Variants in TBC1D15 observed in about 807,000 individuals in gnomAD.
TBC1D15 encodes GAP for RAB7.
Under a neutral mutation model 95.4 loss-of-function variants are expected in TBC1D15, and 39 were observed. The observed-to-expected ratio is 0.41, with a 90% confidence interval of 0.32 to 0.53. The LOEUF (loss-of-function observed/expected upper bound fraction) is 0.53. Among genes scored for constraint, TBC1D15 ranks in the 20% least tolerant of loss-of-function variants. TBC1D15 has a pLI of 0.29. For missense variants in TBC1D15, 733 were observed against 794.3 expected (o/e 0.92, Z 0.93); for synonymous variants, 258 against 261.3 (o/e 0.99, Z 0.12).
chr12:71,915,127 T>C (rs996456109), intron 12 of TBC1D15, among the ~76,000 whole-genome samples: 1 of 152,094 alleles, frequency 6.6e-6, no homozygotes, highest in Non-Finnish European at 1.5e-5. Flanking sequence ...TTTGTCTTCC[T>C]TCCTTTTTTG....
chr12:71,849,163 TAAA>T (rs3832834), intron 1 of TBC1D15: 52 of 177,522 alleles, frequency 2.9e-4, no homozygotes, highest in East Asian at 5.5e-4. Context: ...ACTGTGATTA[TAAA>T]AAAAAAAAAA....
chr12:71,840,609 CGATA>C (rs1435125890), intron 1 of TBC1D15, among the ~76,000 whole-genome samples: 2 of 152,152 alleles, frequency 1.3e-5, no homozygotes, highest in East Asian at 3.8e-4. Context: ...GATATGCCAC[CGATA>C]GTATTTCCCA....
intron 11 of TBC1D15, among the ~76,000 whole-genome samples, chr12:71,909,863 C>T (rs1901749431): frequency 1.3e-5 from 2 of 151,966 alleles, no homozygotes; most frequent in South Asian, 4.1e-4. Context: ...TCACTAAATG[C>T]CAATTTAAAT....
At chr12:71,841,473 T>C (rs922878724) in intron 1 of TBC1D15, among the ~76,000 whole-genome samples, 1 of 152,184 alleles carries the variant, frequency 6.6e-6, no homozygotes, top group Non-Finnish European at 1.5e-5. Flanking sequence ...AGTAATACTA[T>C]CATGACCAAC....
intron 2 of TBC1D15, 50 bp downstream of exon 2, chr12:71,872,218 T>G: frequency 4.6e-6 from 5 of 1,092,348 alleles, no homozygotes; most frequent in Non-Finnish European, 6.6e-6. Context: ...TGGTAGTGAT[T>G]CATCTTTGGA....
At position 71,880,608 on chromosome 12, in the gene TBC1D15, G is replaced by A; in HGVS notation, c.343+1G>A. ...AAAAGGAAACCACATACCAATGGAG[G>A]TATGAATTAAATCTTTTGAAATCTT... On this transcript the variant is annotated splice_donor_variant, in intron 4 of 16. Transcript: ENST00000485960. LOFTEE classifies it high-confidence loss of function. 1 of 1,599,102 alleles carries A rather than the reference G, an allele frequency of 6.3e-7. No individual in the cohort carries two copies. Among genetic ancestry groups the A allele is most frequent in the Non-Finnish European group, 8.5e-7 (1 of 1,174,614 alleles).
At chr12:71,909,499 G>A (rs550254684) in intron 11 of TBC1D15, among the ~76,000 whole-genome samples, 1 of 152,148 alleles carries the variant, frequency 6.6e-6, no homozygotes, top group Non-Finnish European at 1.5e-5. Context: ...TCTGTGGGTG[G>A]TATCATTGCA....
At chr12:71,846,904 G>A (rs920004549) in intron 1 of TBC1D15, among the ~76,000 whole-genome samples, 7 of 151,664 alleles carry the variant, frequency 4.6e-5, no homozygotes, top group African/African-American at 1.7e-4. Flanking sequence ...GGGACTAAAG[G>A]CATGCACCAT....
chr12:71,845,669 A>G (rs1886102998), intron 1 of TBC1D15, among the ~76,000 whole-genome samples: 1 of 152,218 alleles, frequency 6.6e-6, no homozygotes, highest in Admixed American at 6.5e-5. Flanking sequence ...CTGTATGCCA[A>G]ATAGTTTTGA....
chr12:71,920,878 T>G (rs1869020474), intron 15 of TBC1D15, 31 bp downstream of exon 15: 1 of 1,503,386 alleles, frequency 6.7e-7, no homozygotes, highest in Admixed American at 1.8e-5. Context: ...GATTTTAGTG[T>G]TCTGGCTTTT....
intron 11 of TBC1D15, among the ~76,000 whole-genome samples, chr12:71,908,393 A>G (rs1901339161): frequency 6.6e-6 from 1 of 151,594 alleles, no homozygotes; most frequent in African/African-American, 2.4e-5. Context: ...TAGCTAAAGG[A>G]TAGTGGAAAT....
chr12:71,922,596 T>G (rs1869850042), intron 16 of TBC1D15, among the ~76,000 whole-genome samples: 2 of 152,234 alleles, frequency 1.3e-5, no homozygotes, highest in African/African-American at 4.8e-5. Context: ...ATTTGATACC[T>G]GTTCTCTTCC....
intron 1 of TBC1D15, chr12:71,849,210 AG>A (rs1484122219): frequency 4.3e-5 from 19 of 442,430 alleles, no homozygotes; most frequent in African/African-American, 3.6e-4. Context: ...CAGTGTCCAT[AG>A]GGTTGTTCCT....
intron 1 of TBC1D15, chr12:71,849,535 T>G (rs1426092839): frequency 2.7e-6 from 2 of 728,776 alleles, no homozygotes; most frequent in Non-Finnish European, 5.1e-6. Context: ...AGCTGTAGAT[T>G]CAACTTCATT....
intron 1 of TBC1D15, chr12:71,840,986 A>C (rs905268266): frequency 1.4e-4 from 22 of 152,304 alleles, no homozygotes; most frequent in African/African-American, 5.1e-4. Flanking sequence ...TTTTTAAAAA[A>C]ACATAAAATT....
rs374377194 is a variant in TBC1D15, at chr12:71,891,488, C to G, written c.555-1734C>G. On this transcript the variant is annotated intron_variant, in intron 5 of 16. Transcript: ENST00000485960. Reference sequence around the variant, plus strand: ...TTATAGATTAAATCAGTGTGGTGACCCAGCAGGTGGAAACATTCTGGTAAT... The same window carrying G: ...TTATAGATTAAATCAGTGTGGTGACGCAGCAGGTGGAAACATTCTGGTAAT... 2.4e-4 allele frequency among the ~76,000 whole-genome samples: 37 copies of G among 152,134 alleles called. No individual in the cohort carries two copies. In the South Asian group the frequency reaches 3.1e-3, roughly 13 times the overall value.
intron 1 of TBC1D15, among the ~76,000 whole-genome samples, chr12:71,847,514 G>T (rs548843603): frequency 1.3e-5 from 2 of 151,910 alleles, no homozygotes; most frequent in African/African-American, 4.8e-5. Flanking sequence ...GACCAACATA[G>T]TGAAACCTTG....
intron 5 of TBC1D15, among the ~76,000 whole-genome samples, chr12:71,889,580 C>A (rs1896862020): frequency 6.6e-6 from 1 of 152,048 alleles, no homozygotes; most frequent in South Asian, 2.1e-4. Context: ...AAATATTCAC[C>A]AGTATTTAAA....
Position 71,914,893 on chromosome 12 carries a change from A to C in TBC1D15, c.1401+967A>C, listed in dbSNP as rs79901406. Among the ~76,000 whole-genome samples the C allele has an allele frequency of 7.3e-4, 111 of 151,806 alleles. 1 individual carries two copies. In the East Asian group the frequency reaches 0.02, roughly 28 times the overall value. On this transcript the variant is annotated intron_variant, in intron 12 of 16. Transcript: ENST00000485960. ...CTTGCCTATTTTTCTTTCTCCTTCA[A>C]ATTTTCCCTGCTTGTGGCTATTTCC...
Sources: gnomAD v4.1 joint callset for allele counts (sites outside exome capture counted in the v4.1 genomes callset) on GRCh38, gnomAD v4.1.1 for gene constraint, MANE v1.5 for transcripts, NCBI Gene and HGNC (gene_info 2026-07-23, HGNC 2026-07-21) for gene names.